Variants in GPC5 observed in about 807,000 individuals in gnomAD.
GPC5 encodes glypican 5.
A neutral mutation model predicts 53.9 loss-of-function variants in GPC5; 47 were observed. That is an observed-to-expected ratio of 0.87 (90% CI 0.69 to 1.11). The LOEUF (loss-of-function observed/expected upper bound fraction) is 1.11, where lower values mean the gene tolerates loss of function less well. Among genes scored for constraint, GPC5 ranks in the 50% most tolerant of loss-of-function variants. The pLI is 0.00. For missense variants in GPC5, 748 were observed against 713.1 expected, an observed-to-expected ratio of 1.05 and a Z score of -0.56; for synonymous variants, 286 against 263.3, an observed-to-expected ratio of 1.09 and a Z score of -0.84.
chr13:92,166,623 CTG>C (rs1018048059), intron 7 of GPC5, among the ~76,000 whole-genome samples: 4 of 152,000 alleles, frequency 2.6e-5, no homozygotes, highest in Non-Finnish European at 5.9e-5. Flanking sequence ...CTCCATAAGA[CTG>C]TATTGCCATT....
chr13:92,646,127 A>G (rs1364456844), intron 7 of GPC5, among the ~76,000 whole-genome samples: 1 of 152,088 alleles, frequency 6.6e-6, no homozygotes, highest in Non-Finnish European at 1.5e-5. Context: ...ATTTTCTCAA[A>G]TACTTTCTGC....
intron 5 of GPC5, among the ~76,000 whole-genome samples, chr13:91,802,618 A>T (rs922666298): frequency 4.6e-5 from 7 of 152,132 alleles, no homozygotes; most frequent in Non-Finnish European, 1.0e-4. Flanking sequence ...TCCATCTACA[A>T]ACCTTTAGCT....
intron 7 of GPC5, among the ~76,000 whole-genome samples, chr13:92,360,837 T>A (rs1253889488): frequency 6.6e-6 from 1 of 151,886 alleles, no homozygotes; most frequent in Non-Finnish European, 1.5e-5. Flanking sequence ...ATCAATTTTT[T>A]AATACTCTGA....
chr13:91,839,456 ACT>A (rs1230340707), intron 5 of GPC5, among the ~76,000 whole-genome samples: 2 of 152,010 alleles, frequency 1.3e-5, no homozygotes, highest in African/African-American at 2.4e-5. Context: ...TAGGGCTAGT[ACT>A]CTCTTTTTAT....
chr13:91,424,246 C>T (rs2138996288), intron 1 of GPC5, among the ~76,000 whole-genome samples: 2 of 143,800 alleles, frequency 1.4e-5, no homozygotes, highest in East Asian at 4.4e-4. Context: ...CACATGGTGG[C>T]AAGTACATCA....
At chr13:91,588,503 C>A (rs919065846) in intron 2 of GPC5, among the ~76,000 whole-genome samples, 3 of 151,960 alleles carry the variant, frequency 2.0e-5, no homozygotes, top group Non-Finnish European at 4.4e-5. Context: ...AGGAGATAAT[C>A]CTAAACAATT....
intron 6 of GPC5, among the ~76,000 whole-genome samples, chr13:92,024,204 C>T (rs117094958): frequency 0.039 from 5,951 of 152,196 alleles, 183 homozygotes; most frequent in Middle Eastern, 0.15. Context: ...TGAATCCATC[C>T]ATTTTCACTC....
intron 6 of GPC5, among the ~76,000 whole-genome samples, chr13:91,953,983 G>T (rs1236296165): frequency 2.0e-5 from 3 of 152,090 alleles, no homozygotes; most frequent in Non-Finnish European, 4.4e-5. Context: ...ATGCCAACAT[G>T]CATGAACAAT....
chr13:91,564,101 T>G (rs893714245), intron 2 of GPC5, among the ~76,000 whole-genome samples: 1 of 152,188 alleles, frequency 6.6e-6, no homozygotes, highest in African/African-American at 2.4e-5. Context: ...AAAAACCATT[T>G]CAGTGACAGC....
chr13:92,779,038 G>A (rs1875926176), intron 7 of GPC5, among the ~76,000 whole-genome samples: 1 of 151,722 alleles, frequency 6.6e-6, no homozygotes, highest in Non-Finnish European at 1.5e-5. Flanking sequence ...GTATTAGTCT[G>A]TTTTCATGGT....
intron 7 of GPC5, among the ~76,000 whole-genome samples, chr13:92,607,899 A>G (rs1367304930): frequency 6.6e-6 from 1 of 152,192 alleles, no homozygotes; most frequent in Non-Finnish European, 1.5e-5. Flanking sequence ...GCCCTGAGAC[A>G]TCAAGACCAA....
At chr13:92,022,257 T>A (rs1188644789) in intron 6 of GPC5, among the ~76,000 whole-genome samples, 1 of 152,216 alleles carries the variant, frequency 6.6e-6, no homozygotes, top group African/African-American at 2.4e-5. Context: ...CGCCTTGGCA[T>A]CCCAAAGTGC....
At chr13:92,353,343 C>A (rs904606572) in intron 7 of GPC5, among the ~76,000 whole-genome samples, 1 of 148,804 alleles carries the variant, frequency 6.7e-6, no homozygotes, top group Non-Finnish European at 1.5e-5. Context: ...TACGATGATA[C>A]GAGTTTTGAA....
chr13:92,264,876 CTCTGTGTGTGTGTGTGTG>C (rs1206462879), intron 7 of GPC5, among the ~76,000 whole-genome samples: 66 of 119,320 alleles, frequency 5.5e-4, no homozygotes, highest in Middle Eastern at 3.9e-3. Context: ...CTCTCTCTCT[CTCTGTGTGTGTGTGTGTG>C]TGTGTGTGTG....
intron 5 of GPC5, among the ~76,000 whole-genome samples, chr13:91,793,980 G>C (rs2038009475): frequency 6.6e-6 from 1 of 152,148 alleles, no homozygotes; most frequent in African/African-American, 2.4e-5. Flanking sequence ...CCTCTGGTGA[G>C]GGTTTGAGAC....
intron 6 of GPC5, among the ~76,000 whole-genome samples, chr13:91,955,635 A>G (rs2040066207): frequency 6.6e-6 from 1 of 152,158 alleles, no homozygotes; most frequent in Non-Finnish European, 1.5e-5. Context: ...AGCCATGGGA[A>G]AGCCCCTCAA....
At chr13:91,609,539 G>A in intron 2 of GPC5, among the ~76,000 whole-genome samples, 1 of 152,164 alleles carries the variant, frequency 6.6e-6, no homozygotes, top group Non-Finnish European at 1.5e-5. Context: ...GCTGCCAGAG[G>A]TTTCACATAA....
rs146497068 is a variant in GPC5 at position 91,811,826 on chromosome 13, A to G, written c.1280+55406A>G. 4.9e-3 allele frequency among the ~76,000 whole-genome samples: 748 copies of G among 152,326 alleles called. 2 individuals are homozygous for G. Among genetic ancestry groups the G allele is most frequent in the Non-Finnish European group, 8.3e-3 (565 of 68,024 alleles). On this transcript the variant is annotated intron_variant, in intron 5 of 7. Coordinates refer to ENST00000377067, the MANE Select transcript of GPC5 (RefSeq NM_004466.6). Reference sequence around the variant, plus strand: ...AAGCTCCAAAATGTTGGTCTCTGGTATGAATCTGTAGCTTAAAAGCAGTCA... The same window carrying G: ...AAGCTCCAAAATGTTGGTCTCTGGTGTGAATCTGTAGCTTAAAAGCAGTCA...
chr13:92,720,233 G>A (rs950527500), intron 7 of GPC5, among the ~76,000 whole-genome samples: 2 of 152,102 alleles, frequency 1.3e-5, no homozygotes, highest in African/African-American at 4.8e-5. Flanking sequence ...CTTTTACAGT[G>A]TCCTGAGATG....
Sources: gnomAD v4.1 joint callset for allele counts (sites outside exome capture counted in the v4.1 genomes callset) on GRCh38, gnomAD v4.1.1 for gene constraint, MANE v1.5 for transcripts, NCBI Gene and HGNC (gene_info 2026-07-23, HGNC 2026-07-21) for gene names.